The following IFT43 variants were observed in gnomAD, a reference collection of about 807,000 sequenced individuals.
The protein encoded by IFT43 is intraflagellar transport protein 43 homolog.
A neutral mutation model predicts 32.3 loss-of-function variants in IFT43; 33 were observed. The observed-to-expected ratio is 1.02, with a 90% CI of 0.77 to 1.37. IFT43 has a LOEUF of 1.37. Ranked by LOEUF, IFT43 falls within the 40% of genes most tolerant of loss-of-function variation. The pLI is 0.00. For synonymous variants in IFT43, 93 were observed against 98.2 expected (o/e 0.95, Z 0.31); for missense variants, 274 against 265.9 (o/e 1.03, Z -0.21).
At chr14:75,993,028 A>G (rs1265902160) in intron 2 of IFT43, among the ~76,000 whole-genome samples, 5 of 152,210 alleles carry the variant, frequency 3.3e-5, no homozygotes, top group Admixed American at 6.5e-5. Context: ...AACAGGGATA[A>G]TAATATTCCA....
At position 76,022,275 on chromosome 14, in the gene IFT43, A is replaced by G. The variant is rs1214416482; in HGVS notation, c.148-52A>G. 3 of 1,494,384 alleles carry G rather than the reference A, an allele frequency of 2.0e-6. No individual in the cohort carries two copies. In the African/African-American group the frequency reaches 4.1e-5, roughly 21 times the overall value. 92.6% of individuals were successfully genotyped at this position (1,494,384 alleles called of 1,614,324 possible). ...CAAAAAATAGAAAATAAAAAATAAAATAAATGCAAATGTTGAGTGAATGTG... is the reference window on the plus strand; with the variant it reads ...CAAAAAATAGAAAATAAAAAATAAAGTAAATGCAAATGTTGAGTGAATGTG... On this transcript the variant is annotated intron_variant, in intron 2 of 8. Coordinates refer to ENST00000314067, the MANE Select transcript of IFT43 (RefSeq NM_001102564.3).
chr14:76,038,484 T>C (rs1167603291), intron 3 of IFT43, among the ~76,000 whole-genome samples: 1 of 152,216 alleles, frequency 6.6e-6, no homozygotes, highest in African/African-American at 2.4e-5. Context: ...TTGTTTATTC[T>C]AGGTAGGCTC....
intron 3 of IFT43, among the ~76,000 whole-genome samples, chr14:76,052,815 A>G (rs971765591): frequency 3.3e-5 from 5 of 152,244 alleles, no homozygotes; most frequent in African/African-American, 1.2e-4. Context: ...AATAAATCAC[A>G]GAACAATTAA....
At chr14:76,054,010 T>A (rs1162256167) in intron 3 of IFT43, among the ~76,000 whole-genome samples, 1 of 152,224 alleles carries the variant, frequency 6.6e-6, no homozygotes, top group Non-Finnish European at 1.5e-5. Flanking sequence ...CATTAATGCT[T>A]CCGTTAGAAG....
At chr14:76,042,073 G>A (rs573260192) in intron 3 of IFT43, among the ~76,000 whole-genome samples, 147 of 151,968 alleles carry the variant, frequency 9.7e-4, no homozygotes, top group African/African-American at 3.4e-3. Flanking sequence ...GAGAGCCCAC[G>A]TGTCTTGTCC....
At chr14:76,078,185 GA>G (rs377421613) in intron 5 of IFT43, among the ~76,000 whole-genome samples, 1 of 152,168 alleles carries the variant, frequency 6.6e-6, no homozygotes. Context: ...AAATAAATAT[GA>G]AAAAATCGTT....
At chr14:76,021,386 G>A (rs2036289083) in intron 2 of IFT43, among the ~76,000 whole-genome samples, 1 of 152,132 alleles carries the variant, frequency 6.6e-6, no homozygotes, top group South Asian at 2.1e-4. Flanking sequence ...ATAAAAAGCA[G>A]AAGAGGAAAG....
At chr14:76,068,138 A>G (rs1210735103) in intron 5 of IFT43, among the ~76,000 whole-genome samples, 1 of 152,220 alleles carries the variant, frequency 6.6e-6, no homozygotes, top group Non-Finnish European at 1.5e-5. Context: ...ACTAATGGCC[A>G]TGAGTTCAGA....
At chr14:76,066,247 C>A (rs1422434845) in intron 5 of IFT43, among the ~76,000 whole-genome samples, 1 of 152,202 alleles carries the variant, frequency 6.6e-6, no homozygotes, top group African/African-American at 2.4e-5. Context: ...CCTTCATAAA[C>A]TTGATATGTG....
chr14:76,079,578 A>G (rs1487141095), intron 5 of IFT43, among the ~76,000 whole-genome samples: 1 of 152,210 alleles, frequency 6.6e-6, no homozygotes, highest in Non-Finnish European at 1.5e-5. Flanking sequence ...AAGGAGTTCT[A>G]CATGGCATGC....
intron 2 of IFT43, among the ~76,000 whole-genome samples, chr14:76,003,849 C>T (rs1191618068): frequency 6.6e-6 from 1 of 151,866 alleles, no homozygotes; most frequent in East Asian, 1.9e-4. Flanking sequence ...ATGATCTTGG[C>T]TCACTGCAAC....
Position 76,083,695 on chromosome 14 carries a change from C to T in IFT43, c.*118C>T, listed in dbSNP as rs996734721. The T allele has an allele frequency of 4.2e-6, 4 of 947,500 alleles. No individual in the cohort carries two copies. The African/African-American group carries it at 6.5e-5, about 15-fold the overall frequency. 58.7% of individuals were successfully genotyped at this position (947,500 alleles called of 1,614,324 possible). On this transcript the variant is annotated 3_prime_UTR_variant, in exon 9 of 9. Coordinates refer to ENST00000314067, the MANE Select transcript of IFT43 (RefSeq NM_001102564.3). ...TGTAATAAAAATATTTATATTCAGT[C>T]AACCACATTGGATAATTCAATTGCA...
Position 76,082,615 on chromosome 14 carries a change from A to G in IFT43, c.369-2A>G. 1.2e-6 allele frequency: 2 copies of G among 1,614,138 alleles called. No individual in the cohort carries two copies. The highest frequency in any genetic ancestry group is 1.7e-6 in the Non-Finnish European group (2 of 1,180,028). ...CCGCCTCTCGCTCTCTCTTTCCTTC[A>G]GCATCCAGATAAAGCGGGTGATGAC... is the stretch of plus-strand genomic sequence containing the variant. On this transcript the variant is annotated splice_acceptor_variant, in intron 6 of 8. Transcript: ENST00000314067. LOFTEE classifies it high-confidence loss of function.
At chr14:76,079,046 CA>C (rs1219494822) in intron 5 of IFT43, among the ~76,000 whole-genome samples, 1 of 152,180 alleles carries the variant, frequency 6.6e-6, no homozygotes, top group African/African-American at 2.4e-5. Flanking sequence ...TTAAGTTTCA[CA>C]GGACATTACG....
intron 5 of IFT43, among the ~76,000 whole-genome samples, chr14:76,075,540 A>G (rs895511887): frequency 6.6e-6 from 1 of 152,240 alleles, no homozygotes; most frequent in Non-Finnish European, 1.5e-5. Flanking sequence ...TCCACTAATT[A>G]AAGCCATTTT....
intron 5 of IFT43, chr14:76,076,574 T>G (rs1284106681): frequency 6.2e-7 from 1 of 1,613,720 alleles, no homozygotes; most frequent in Non-Finnish European, 8.5e-7. Context: ...GAGTCCAATC[T>G]AAGAAGTCAC....
At chr14:76,028,570 A>G (rs1473726878) in intron 3 of IFT43, among the ~76,000 whole-genome samples, 2 of 152,158 alleles carry the variant, frequency 1.3e-5, no homozygotes, top group South Asian at 2.1e-4. Flanking sequence ...TGTCACTCAG[A>G]CAGTGAGCAC....
At chr14:76,023,653 T>C (rs1460014043) in intron 3 of IFT43, among the ~76,000 whole-genome samples, 1 of 152,236 alleles carries the variant, frequency 6.6e-6, no homozygotes, top group Non-Finnish European at 1.5e-5. Context: ...TTTGACCATA[T>C]TCTTCTCACA....
chr14:76,029,899 TGAGACAGGA>T (rs2036476632), intron 3 of IFT43, among the ~76,000 whole-genome samples: 5 of 148,374 alleles, frequency 3.4e-5, no homozygotes, highest in African/African-American at 1.0e-4. Flanking sequence ...TTATTTTATT[TGAGACAGGA>T]TCTTTCTCTG....
Sources: gnomAD v4.1 joint callset for allele counts (sites outside exome capture counted in the v4.1 genomes callset) on GRCh38, gnomAD v4.1.1 for gene constraint, MANE v1.5 for transcripts, NCBI Gene and HGNC (gene_info 2026-07-23, HGNC 2026-07-21) for gene names.